The following RBFOX1 variants were observed in gnomAD, a reference collection of about 807,000 sequenced individuals.
The protein encoded by RBFOX1 is RNA binding protein fox-1 homolog 1.
A neutral mutation model predicts 57.7 loss-of-function variants in RBFOX1; 8 were observed. The ratio of observed to expected loss-of-function variants is 0.14; its 90% CI spans 0.08 to 0.25. The LOEUF is 0.25. RBFOX1 is among the 10% of genes least tolerant of loss of function. The pLI is 1.00. For synonymous variants in RBFOX1, 326 were observed against 222.4 expected (o/e 1.47, Z -4.15); for missense variants, 611 against 548.5 (o/e 1.11, Z -1.14).
intron 3 of RBFOX1, among the ~76,000 whole-genome samples, chr16:5,841,768 T>C (rs1597455307): frequency 6.6e-6 from 1 of 152,220 alleles, no homozygotes; most frequent in Admixed American, 6.5e-5. Flanking sequence ...TGAACAGGCC[T>C]GATGCAGCCC....
At chr16:7,541,194 A>G (rs1165526832) in intron 5 of RBFOX1, among the ~76,000 whole-genome samples, 1 of 152,266 alleles carries the variant, frequency 6.6e-6, no homozygotes, top group African/African-American at 2.4e-5. Context: ...AAGGACAAGC[A>G]CAAAGAACTC....
At chr16:7,015,909 A>T (rs1043791056) in intron 3 of RBFOX1, among the ~76,000 whole-genome samples, 9 of 152,124 alleles carry the variant, frequency 5.9e-5, no homozygotes, top group Non-Finnish European at 1.2e-4. Flanking sequence ...GTTTCAGGGA[A>T]ATCTAACTTC....
At chr16:6,243,704 C>G (rs1188886564) in intron 1 of RBFOX1, among the ~76,000 whole-genome samples, 1 of 152,126 alleles carries the variant, frequency 6.6e-6, no homozygotes, top group Admixed American at 6.5e-5. Context: ...GGGATGAGAA[C>G]CTGGTTCAGC....
intron 3 of RBFOX1, among the ~76,000 whole-genome samples, chr16:6,852,362 C>A (rs75772766): frequency 0.013 from 2,052 of 152,238 alleles, 52 homozygotes; most frequent in African/African-American, 0.046. Flanking sequence ...GTTGATCACC[C>A]ATTTTGTGAG....
At chr16:6,387,099 A>T (rs951243341) in intron 2 of RBFOX1, among the ~76,000 whole-genome samples, 2 of 152,202 alleles carry the variant, frequency 1.3e-5, no homozygotes, top group Non-Finnish European at 2.9e-5. Context: ...GTCAAAGTCC[A>T]TTGGCAACCA....
chr16:7,051,974 T>C, intron 3 of RBFOX1, 83 bp from the exon 4 acceptor site: 1 of 1,551,954 alleles, frequency 6.4e-7, no homozygotes, highest in Non-Finnish European at 8.7e-7. Flanking sequence ...AGCTGAGTAA[T>C]TAAAAGTAAC....
intron 1 of RBFOX1, among the ~76,000 whole-genome samples, chr16:6,046,347 G>C (rs2095495202): frequency 6.6e-6 from 1 of 152,176 alleles, no homozygotes. Context: ...TGCAGAAATA[G>C]TAATGATTTA....
intron 3 of RBFOX1, among the ~76,000 whole-genome samples, chr16:6,756,397 C>G (rs1603575859): frequency 6.6e-6 from 1 of 152,122 alleles, no homozygotes; most frequent in Admixed American, 6.5e-5. Context: ...CATTAAGACA[C>G]TGGCCTAGGC....
chr16:7,392,573 G>A (rs2098052685), intron 4 of RBFOX1, among the ~76,000 whole-genome samples: 1 of 152,166 alleles, frequency 6.6e-6, no homozygotes, highest in African/African-American at 2.4e-5. Context: ...TTTACCTCCT[G>A]TGGGTTTGTG....
At chr16:6,859,617 C>G (rs145751022) in intron 3 of RBFOX1, among the ~76,000 whole-genome samples, 2 of 152,192 alleles carry the variant, frequency 1.3e-5, no homozygotes, top group East Asian at 1.9e-4. Context: ...CCTGCCGCCT[C>G]TCTGTGTCGA....
chr16:5,952,808 C>A (rs1158533732), intron 4 of RBFOX1, among the ~76,000 whole-genome samples: 1 of 152,074 alleles, frequency 6.6e-6, no homozygotes, highest in Non-Finnish European at 1.5e-5. Flanking sequence ...AGGACAAGGC[C>A]TCCCATACTG....
At chr16:5,600,847 A>G (rs1483386357), downstream of RBFOX1, among the ~76,000 whole-genome samples, 1 of 152,146 alleles carries the variant, frequency 6.6e-6, no homozygotes, top group African/African-American at 2.4e-5. Flanking sequence ...AGTTGACCAA[A>G]TGTTTGATCT....
intron 4 of RBFOX1, among the ~76,000 whole-genome samples, chr16:7,129,211 A>C (rs186138978): frequency 2.0e-5 from 3 of 152,106 alleles, no homozygotes; most frequent in Non-Finnish European, 4.4e-5. Context: ...CCTCATTGCA[A>C]TGTTCTTTAT....
chr16:6,773,681 ATG>A (rs2154215882), intron 3 of RBFOX1: 1 of 35,430 alleles, frequency 2.8e-5, no homozygotes, highest in African/African-American at 1.3e-4. Context: ...GTGTATGTGT[ATG>A]TGTATGTGTG....
chr16:6,628,812 G>A (rs977650181), intron 2 of RBFOX1, among the ~76,000 whole-genome samples: 8 of 152,146 alleles, frequency 5.3e-5, no homozygotes, highest in African/African-American at 1.9e-4. Flanking sequence ...TGATCTGTAT[G>A]TTTATTAGAA....
chr16:7,462,951 T>C (rs558089764), intron 4 of RBFOX1, among the ~76,000 whole-genome samples: 47 of 152,358 alleles, frequency 3.1e-4, no homozygotes, highest in Admixed American at 2.5e-3. Flanking sequence ...CTTCTCCTGA[T>C]CTCAAGATCT....
chr16:7,109,476 G>T (rs76662646), intron 4 of RBFOX1, among the ~76,000 whole-genome samples: 2,403 of 152,242 alleles, frequency 0.016, 73 homozygotes, highest in African/African-American at 0.055. Context: ...ATGGAAGGAA[G>T]GTGGTGCACC....
At chr16:5,568,930 C>G (rs893827165) in intron 2 of RBFOX1, among the ~76,000 whole-genome samples, 11 of 151,994 alleles carry the variant, frequency 7.2e-5, no homozygotes, top group African/African-American at 2.7e-4. Context: ...AACCTCCGCC[C>G]GCTGGGTTCA....
upstream of RBFOX1, among the ~76,000 whole-genome samples, chr16:6,017,615 C>G (rs2095003501): frequency 6.6e-6 from 1 of 152,126 alleles, no homozygotes; most frequent in South Asian, 2.1e-4. Flanking sequence ...TCGCTGGGAC[C>G]AATGATAAAG....
Sources: allele counts gnomAD v4.1 joint callset (sites outside exome capture counted in the v4.1 genomes callset), GRCh38; gene constraint gnomAD v4.1.1; transcripts MANE v1.5; gene names NCBI Gene and HGNC (gene_info 2026-07-23, HGNC 2026-07-21).